VEGFD: variants seen among roughly 807,000 people sequenced by gnomAD.
VEGFD encodes c-fos induced growth factor (vascular endothelial growth factor D).
In VEGFD, 26 loss-of-function variants were observed where a neutral mutation model predicts 28.0. The ratio of observed to expected loss-of-function variants is 0.93; its 90% CI spans 0.68 to 1.29. The LOEUF is 1.29. Among genes scored for constraint, VEGFD ranks in the 50% most tolerant of loss-of-function variants. The pLI is 0.00. For missense variants in VEGFD, 294 were observed against 273.4 expected (o/e 1.08, Z -0.53); for synonymous variants, 93 against 95.5 (o/e 0.97, Z 0.15).
In VEGFD at chrX:15,350,138, T is replaced by G. The variant is rs6632384; in HGVS notation, c.743-2779A>C. Reference sequence around the variant, plus strand: ...CCTTAGTATCACATCCAAGCTCCCATGCAAGAATTACAAGGTCCTTCTGCT... The same window carrying G: ...CCTTAGTATCACATCCAAGCTCCCAGGCAAGAATTACAAGGTCCTTCTGCT... On this transcript the variant is annotated intron_variant, in intron 5 of 6. Transcript: ENST00000297904. Among the ~76,000 whole-genome samples, 5 of 109,584 alleles carry G rather than the reference T, an allele frequency of 4.6e-5. No homozygotes were observed. In the South Asian group the frequency reaches 2.0e-3, roughly 44 times the overall value.
At chrX:15,373,284 G>A (rs2146987037) in intron 1 of VEGFD, among the ~76,000 whole-genome samples, 1 of 111,654 alleles carries the variant, frequency 9.0e-6, no homozygotes, top group East Asian at 2.8e-4. Context: ...TTTAAGGGGG[G>A]ACCCTGGCTA....
At chrX:15,375,324 C>A (rs766507924) in intron 1 of VEGFD, among the ~76,000 whole-genome samples, 134 of 112,031 alleles carry the variant, frequency 1.2e-3, no homozygotes, top group Non-Finnish European at 1.6e-3. Context: ...AAAAAAACAA[C>A]CCACATTTTA....
At chrX:15,349,512 C>A in intron 5 of VEGFD, among the ~76,000 whole-genome samples, 1 of 112,063 alleles carries the variant, frequency 8.9e-6, no homozygotes, top group Non-Finnish European at 1.9e-5. Context: ...TTCCTTTTAC[C>A]ATTTTTATCA....
At chrX:15,361,419 C>T (rs1355728968) in intron 2 of VEGFD, among the ~76,000 whole-genome samples, 1 of 111,686 alleles carries the variant, frequency 9.0e-6, no homozygotes, top group Non-Finnish European at 1.9e-5. Context: ...CCTACCACAT[C>T]AACTCACTTA....
In VEGFD at chrX:15,363,338, C is replaced by A. The variant is rs775435151; in HGVS notation, c.91-19G>T. Reference sequence around the variant, plus strand: ...ATGATCGCTTAAAAAAACAAAAATACCAGTTTAAAAACAAGTTACTAAATT... The same window carrying A: ...ATGATCGCTTAAAAAAACAAAAATAACAGTTTAAAAACAAGTTACTAAATT... On this transcript the variant is annotated intron_variant, in intron 1 of 6. Transcript: ENST00000297904. The A allele has an allele frequency of 8.6e-7, 1 of 1,167,063 alleles. No individual in the cohort carries two copies.
chrX:15,380,460 C>A (rs1923541940), intron 1 of VEGFD, among the ~76,000 whole-genome samples: 1 of 112,303 alleles, frequency 8.9e-6, no homozygotes, highest in African/African-American at 3.2e-5. Context: ...CCATCACCCA[C>A]CAATATTCTT....
At chrX:15,366,290 G>A (rs186636924) in intron 1 of VEGFD, among the ~76,000 whole-genome samples, 39 of 112,245 alleles carry the variant, frequency 3.5e-4, no homozygotes, top group African/African-American at 1.2e-3. Context: ...GATTACAGGC[G>A]TGAGCCACTG....
At position 15,367,275 on chromosome X, in the gene VEGFD, G is replaced by A. The variant is rs191438175; in HGVS notation, c.91-3956C>T. 3.5e-3 allele frequency among the ~76,000 whole-genome samples: 392 copies of A among 112,277 alleles called. 1 individual carries two copies. Among genetic ancestry groups the A allele is most frequent in the South Asian group, 5.5e-3 (15 of 2,718 alleles). On this transcript the variant is annotated intron_variant, in intron 1 of 6. Transcript: ENST00000297904. ...TCATACCTGTGATTTCTCACTTTTC[G>A]ATAAAGTTTGAATCAAGGCAAAATT...
chrX:15,373,333 T>G (rs1923357282), intron 1 of VEGFD, among the ~76,000 whole-genome samples: 1 of 111,688 alleles, frequency 9.0e-6, no homozygotes, highest in Non-Finnish European at 1.9e-5. Context: ...TCTTGAGCCA[T>G]TCCAATCCCA....
At chrX:15,360,893 C>T (rs1473832303) in intron 2 of VEGFD, among the ~76,000 whole-genome samples, 1 of 112,013 alleles carries the variant, frequency 8.9e-6, no homozygotes. Context: ...GAGTGGTAAG[C>T]TTTTAATCAA....
At chrX:15,351,025 C>CTTTTTT (rs1371289691) in intron 5 of VEGFD, among the ~76,000 whole-genome samples, 1 of 20,359 alleles carries the variant, frequency 4.9e-5, no homozygotes, top group African/African-American at 1.8e-4. Context: ...CCATGCCCAG[C>CTTTTTT]TATTTTTTTT....
Position 15,383,970 on chromosome X carries a change from A to G in VEGFD, c.-24T>C. 1 of 1,082,328 alleles carries G rather than the reference A, an allele frequency of 9.2e-7. No individual in the cohort carries two copies. The highest frequency in any genetic ancestry group is 1.3e-6 in the Non-Finnish European group (1 of 778,395). The allele number at this position is 1,082,328 out of a possible 1,213,427, so 89.2% of individuals were successfully genotyped here. On this transcript the variant is annotated 5_prime_UTR_variant, in exon 1 of 7. Transcript: ENST00000297904. Reference sequence around the variant, plus strand: ...ATTTTGAATATTTCAATATCCACTGATTACTAAGCAGTTGACATCAGGCAG... The same window carrying G: ...ATTTTGAATATTTCAATATCCACTGGTTACTAAGCAGTTGACATCAGGCAG...
At position 15,363,123 on chromosome X, in the gene VEGFD, A is replaced by G. The variant is rs973867858; in HGVS notation, c.287T>C (p.Ile96Thr). The stretch of plus-strand genomic sequence containing the variant: ...CACACACCTACCTTTTAGTGTTTCA[A>G]TGTCATAGAAAGTTGCCGCAAACCT... Reference protein sequence around the residue: ...STRFAATFYDIETLKVIDEEW... With the variant: ...STRFAATFYDTETLKVIDEEW... Residue 96 changes from isoleucine to threonine, a missense_variant, in exon 2 of 7, where the codon ATT becomes ACT. Transcript: ENST00000297904. 1 of 1,210,589 alleles carries G rather than the reference A, an allele frequency of 8.3e-7. No individual in the cohort carries two copies. The highest frequency in any genetic ancestry group is 1.1e-6 in the Non-Finnish European group (1 of 894,612).
At chrX:15,350,487 T>TAA (rs979871129) in intron 5 of VEGFD, among the ~76,000 whole-genome samples, 1 of 112,827 alleles carries the variant, frequency 8.9e-6, no homozygotes, top group Admixed American at 9.3e-5. Context: ...CACCTAGATT[T>TAA]AAGACTTACC....
intron 1 of VEGFD, among the ~76,000 whole-genome samples, chrX:15,372,978 G>A (rs955040420): frequency 1.8e-5 from 2 of 111,576 alleles, no homozygotes; most frequent in African/African-American, 3.3e-5. Context: ...GCATGATGAA[G>A]TTGGCTGCCT....
intron 1 of VEGFD, among the ~76,000 whole-genome samples, chrX:15,364,066 T>C (rs1380142735): frequency 8.9e-6 from 1 of 112,087 alleles, no homozygotes. Context: ...CTACTGACAG[T>C]TGTTTTCATC....
chrX:15,354,481 G>A lies in VEGFD; in HGVS notation c.641+669C>T, dbSNP rs972595887. Among the ~76,000 whole-genome samples, 3 of 111,247 alleles carry A rather than the reference G, an allele frequency of 2.7e-5. No homozygotes were observed. In the Admixed American group the frequency reaches 2.9e-4, roughly 11 times the overall value. On this transcript the variant is annotated intron_variant, in intron 4 of 6. Coordinates refer to ENST00000297904, the MANE Select transcript of VEGFD (RefSeq NM_004469.5). ...ATTGCTTTACTTTTGCAAAGTCTAAGTATCTAACTAATGATCTTTTCATTC... is the reference window on the plus strand; with the variant it reads ...ATTGCTTTACTTTTGCAAAGTCTAAATATCTAACTAATGATCTTTTCATTC...
chrX:15,377,771 C>T (rs1453801078), intron 1 of VEGFD, among the ~76,000 whole-genome samples: 8 of 111,136 alleles, frequency 7.2e-5, no homozygotes, highest in East Asian at 5.6e-4. Flanking sequence ...CAGGGTGAGG[C>T]GCTCTCAGGC....
intron 5 of VEGFD, among the ~76,000 whole-genome samples, chrX:15,351,118 T>C (rs1260551852): frequency 1.1e-5 from 1 of 88,016 alleles, no homozygotes; most frequent in Non-Finnish European, 2.2e-5. Context: ...TTTCTTTTTT[T>C]TTTTTTTCTT....
Sources: gnomAD v4.1 joint callset for allele counts (sites outside exome capture counted in the v4.1 genomes callset) on GRCh38, gnomAD v4.1.1 for gene constraint, MANE v1.5 for transcripts, NCBI Gene and HGNC (gene_info 2026-07-23, HGNC 2026-07-21) for gene names.